The following TIAM1 variants were observed in gnomAD, a reference collection of about 807,000 sequenced individuals.
TIAM1 encodes the protein TIAM Rac1 associated GEF 1.
Under a neutral mutation model 163.5 loss-of-function variants are expected in TIAM1, and 65 were observed. The observed-to-expected ratio is 0.40, with a 90% CI of 0.33 to 0.49. The LOEUF (loss-of-function observed/expected upper bound fraction) is 0.49. TIAM1 is among the 20% of genes least tolerant of loss of function. The pLI is 0.77. For missense variants in TIAM1, 1,789 were observed against 2,044.7 expected (o/e 0.87, Z 2.41); for synonymous variants, 833 against 810.1 (o/e 1.03, Z -0.48).
chr21:31,178,567 A>G (rs1216898919), intron 15 of TIAM1, among the ~76,000 whole-genome samples: 2 of 152,032 alleles, frequency 1.3e-5, no homozygotes, highest in African/African-American at 4.8e-5. Context: ...CGGCCTCCCG[A>G]AGTGCTGGGA....
At chr21:31,362,623 C>T (rs1421891165) in intron 2 of TIAM1, among the ~76,000 whole-genome samples, 1 of 151,874 alleles carries the variant, frequency 6.6e-6, no homozygotes, top group African/African-American at 2.4e-5. Context: ...CCCACTACCA[C>T]ACCCGGCTAA....
chr21:31,300,718 T>C (rs2074464697), intron 2 of TIAM1, among the ~76,000 whole-genome samples: 1 of 152,218 alleles, frequency 6.6e-6, no homozygotes. Context: ...GTAACTATTG[T>C]TGACTAAAGA....
chr21:31,393,958 C>T lies in TIAM1; in HGVS notation c.-368-54536G>A, dbSNP rs146766468. Among the ~76,000 whole-genome samples the T allele has an allele frequency of 2.1e-3, 323 of 151,950 alleles. 3 individuals carry two copies. The highest frequency in any genetic ancestry group is 7.4e-3 in the African/African-American group (305 of 41,448). On this transcript the variant is annotated intron_variant, in intron 2 of 28. Transcript: ENST00000286827. ...TTTCCAAATGTTATACAATAAAGCA[C>T]GTTTTTTCATAATCAGAAACAAATA...
At chr21:31,455,974 C>G (rs1033895729) in intron 2 of TIAM1, among the ~76,000 whole-genome samples, 2 of 152,108 alleles carry the variant, frequency 1.3e-5, no homozygotes, top group Non-Finnish European at 2.9e-5. Context: ...GGTCTGAGGA[C>G]TAGAGGGTGG....
At chr21:31,250,124 A>G (rs2071710061) in intron 5 of TIAM1, among the ~76,000 whole-genome samples, 1 of 149,610 alleles carries the variant, frequency 6.7e-6, no homozygotes, top group Non-Finnish European at 1.5e-5. Context: ...CCAGCCTGGA[A>G]GACAGAGTGA....
At chr21:31,147,289 G>A (rs75845305) in intron 19 of TIAM1, among the ~76,000 whole-genome samples, 2,535 of 152,232 alleles carry the variant, frequency 0.017, 24 homozygotes, top group Non-Finnish European at 0.024. Context: ...TATCCGGGCT[G>A]TTTGAATGTT....
intron 2 of TIAM1, among the ~76,000 whole-genome samples, chr21:31,404,085 C>T (rs538402470): frequency 1.3e-5 from 2 of 152,246 alleles, no homozygotes; most frequent in Admixed American, 1.3e-4. Flanking sequence ...TCTTATCAGT[C>T]CATACCTTTT....
At chr21:31,347,027 A>G (rs1385147718), upstream of TIAM1, among the ~76,000 whole-genome samples, 1 of 152,110 alleles carries the variant, frequency 6.6e-6, no homozygotes, top group Non-Finnish European at 1.5e-5. Flanking sequence ...GCTCATCTTG[A>G]ATTTTCTTAA....
At chr21:31,409,106 CCTTTT>C (rs574050108) in intron 2 of TIAM1, among the ~76,000 whole-genome samples, 1 of 143,010 alleles carries the variant, frequency 7.0e-6, no homozygotes, top group Non-Finnish European at 1.5e-5. Flanking sequence ...CAGACCTTCT[CCTTTT>C]CTTTTTTTTT....
chr21:31,219,959 A>G (rs2087466175), intron 8 of TIAM1, among the ~76,000 whole-genome samples: 1 of 152,234 alleles, frequency 6.6e-6, no homozygotes. Flanking sequence ...TGTAAAAGGA[A>G]TAAATTATAA....
rs1601375679 is a variant in TIAM1, at chr21:31,164,905, T to G, written c.2991+57A>C. 3.2e-6 allele frequency: 5 copies of G among 1,547,724 alleles called. No individual in the cohort carries two copies. The East Asian group carries it at 1.1e-4, about 35-fold the overall frequency. ...ACATACAGCTGTGTAGGTGACATTG[T>G]CAGCTGTGATTCTTCAGTGGTTCAA... On this transcript the variant is annotated intron_variant, in intron 16 of 27. Transcript: ENST00000541036.
chr21:31,490,288 C>G (rs554326249), intron 1 of TIAM1, among the ~76,000 whole-genome samples: 1 of 152,286 alleles, frequency 6.6e-6, no homozygotes, highest in South Asian at 2.1e-4. Flanking sequence ...AAAATTCTTA[C>G]AGATATCCTC....
intron 7 of TIAM1, among the ~76,000 whole-genome samples, chr21:31,225,011 T>A (rs1379730831): frequency 6.6e-6 from 1 of 151,996 alleles, no homozygotes; most frequent in African/African-American, 2.4e-5. Context: ...GATAGATATA[T>A]CTCTCTCTAT....
chr21:31,361,878 T>TAGATAGATAGAC (rs1172591062), intron 2 of TIAM1, among the ~76,000 whole-genome samples: 181 of 149,396 alleles, frequency 1.2e-3, no homozygotes, highest in African/African-American at 2.5e-3. Flanking sequence ...GATAGATAGA[T>TAGATAGATAGAC]AGACAGACAT....
intron 2 of TIAM1, among the ~76,000 whole-genome samples, chr21:31,423,855 G>T (rs1008841127): frequency 8.9e-6 from 1 of 112,956 alleles, no homozygotes; most frequent in Non-Finnish European, 1.7e-5. Flanking sequence ...AATGATTATC[G>T]GGGGGGGCGG....
chr21:31,266,798 T>C lies in TIAM1; in HGVS notation c.175A>G (p.Ser59Gly), dbSNP rs1002655394. 2.5e-6 allele frequency: 4 copies of C among 1,614,224 alleles called. 1 individual carries two copies. In the South Asian group the frequency reaches 4.4e-5, roughly 18 times the overall value. ...HRNSEVSTRS[S>G]STPSIPQSLA... ...GACTGGGGGATGCTGGGGGTGCTGC[T>C]GGATCGGGTGCTCACTTCGGAGTTC... is the stretch of plus-strand genomic sequence containing the variant. The change falls in exon 4 of 28, where the codon AGC (serine) becomes GGC (glycine). Residue 59 changes from serine to glycine, a missense_variant. This residue lies in a region of TIAM1 where 555 missense variants were observed against 564.9 expected (regional missense o/e 0.98). Transcript: ENST00000541036.
At chr21:31,419,178 C>T (rs2043478991) in intron 2 of TIAM1, among the ~76,000 whole-genome samples, 1 of 152,162 alleles carries the variant, frequency 6.6e-6, no homozygotes, top group African/African-American at 2.4e-5. Flanking sequence ...GAAGAGCACT[C>T]AGCACAAGGA....
chr21:31,252,807 C>T (rs1601711732), intron 4 of TIAM1, among the ~76,000 whole-genome samples: 3 of 152,324 alleles, frequency 2.0e-5, no homozygotes, highest in Non-Finnish European at 2.9e-5. Context: ...TAATCAGATT[C>T]GCTTCTTGAA....
intron 13 of TIAM1, among the ~76,000 whole-genome samples, chr21:31,188,462 G>A (rs2085400246): frequency 6.6e-6 from 1 of 152,058 alleles, no homozygotes; most frequent in African/African-American, 2.4e-5. Context: ...AATCTATTAG[G>A]CGAGATAGAA....
Sources: allele counts gnomAD v4.1 joint callset (sites outside exome capture counted in the v4.1 genomes callset), GRCh38; gene constraint gnomAD v4.1.1; regional missense constraint gnomAD v4.1.1; transcripts MANE v1.5; gene names NCBI Gene and HGNC (gene_info 2026-07-23, HGNC 2026-07-21).